WDR73: variants seen among roughly 807,000 people sequenced by gnomAD.
The protein encoded by WDR73 is WD repeat domain 73.
WDR73 carries 30 observed loss-of-function variants against 38.2 expected under a neutral mutation model. The observed-to-expected ratio is 0.79, with a 90% CI of 0.59 to 1.06. The LOEUF is 1.06. WDR73 is among the 50% of genes least tolerant of loss of function. The pLI, the probability that WDR73 is intolerant of heterozygous loss-of-function variation, is 0.00. For synonymous variants in WDR73, 197 were observed against 176.0 expected, an observed-to-expected ratio of 1.12 and a Z score of -0.94; for missense variants, 487 against 467.0, an observed-to-expected ratio of 1.04 and a Z score of -0.40.
At chr15:84,652,180 CAAT>C (rs1896645506) in intron 3 of WDR73, among the ~76,000 whole-genome samples, 1 of 152,170 alleles carries the variant, frequency 6.6e-6, no homozygotes, top group Admixed American at 6.5e-5. Flanking sequence ...ATTCTTCTCT[CAAT>C]GATTTTATTG....
At chr15:84,651,362 A>G (rs953307172) in intron 3 of WDR73, among the ~76,000 whole-genome samples, 2 of 146,842 alleles carry the variant, frequency 1.4e-5, no homozygotes, top group Non-Finnish European at 3.0e-5. Context: ...GGAGGTTTAG[A>G]CTGTAGTGAG....
At chr15:84,654,092 C>A (rs752063303) in intron 1 of WDR73, 142 bp downstream of exon 1, 1 of 1,102,494 alleles carries the variant, frequency 9.1e-7, no homozygotes, top group Non-Finnish European at 1.4e-6. Flanking sequence ...TAGGCCCAGG[C>A]GGAGTCCTCC....
chr15:84,645,927 C>A (rs780681785), intron 6 of WDR73, 91 bp from the exon 7 acceptor site: 1 of 1,583,762 alleles, frequency 6.3e-7, no homozygotes, highest in Non-Finnish European at 8.5e-7. Context: ...CCCTTCCCAC[C>A]AGTCCCAGGC....
intron 5 of WDR73, 61 bp downstream of exon 5, chr15:84,647,829 C>T (rs1896509422): frequency 2.0e-6 from 3 of 1,512,374 alleles, no homozygotes; most frequent in Non-Finnish European, 1.8e-6. Flanking sequence ...GATTAGGGGA[C>T]AGGGGTGTAT....
chr15:84,641,832 C>G lies in WDR73; in HGVS notation c.*1638G>C, dbSNP rs966119975. On this transcript the variant is annotated 3_prime_UTR_variant, in exon 8 of 8. Coordinates refer to ENST00000434634, the MANE Select transcript of WDR73 (RefSeq NM_032856.5). ...CTGTGCCTGGTCTATCTTTAAATTC[C>G]TATCTGAATTTGTTTAGGTTTTTTA... is the stretch of plus-strand genomic sequence containing the variant. 1 of 152,034 alleles carries G rather than the reference C, an allele frequency of 6.6e-6. No individual in the cohort carries two copies. The highest frequency in any genetic ancestry group is 1.5e-5 in the Non-Finnish European group (1 of 68,032). 9.4% of individuals were successfully genotyped at this position (152,034 alleles called of 1,614,324 possible). A position where few individuals can be genotyped will look rare whatever the true frequency, so the allele number is the denominator to read the frequency against.
Position 84,643,361 on chromosome 15 carries a change from C to T in WDR73, c.*109G>A. On this transcript the variant is annotated 3_prime_UTR_variant, in exon 8 of 8. Transcript: ENST00000434634. ...GTGACGCTGGCAGACTTGCCCAAGGCCACACAGCTGGTAACAGGGACTGGT... is the reference window on the plus strand; with the variant it reads ...GTGACGCTGGCAGACTTGCCCAAGGTCACACAGCTGGTAACAGGGACTGGT... The T allele has an allele frequency of 7.2e-7, 1 of 1,385,574 alleles. No homozygotes were observed. 85.8% of individuals were successfully genotyped at this position (1,385,574 alleles called of 1,614,324 possible).
chr15:84,653,130 T>C (rs1896674985), intron 2 of WDR73: 1 of 226,112 alleles, frequency 4.4e-6, no homozygotes, highest in Admixed American at 5.6e-5. Context: ...CTTAGGTTAG[T>C]CTCAAATTCC....
rs1035593132 is a variant in WDR73 at position 84,654,231 on chromosome 15, T to C, written c.41+3A>G. Reference sequence around the variant, plus strand: ...TCCCATGTCCCAGCCCCGTACGATTTACAAGCGCAAGGATTCCACCAGCCA... The same window carrying C: ...TCCCATGTCCCAGCCCCGTACGATTCACAAGCGCAAGGATTCCACCAGCCA... On this transcript the variant is annotated splice_donor_region_variant and intron_variant, in intron 1 of 7. Coordinates refer to ENST00000434634, the MANE Select transcript of WDR73 (RefSeq NM_032856.5). 3 of 1,613,888 alleles carry C rather than the reference T, an allele frequency of 1.9e-6. No individual in the cohort carries two copies. Among genetic ancestry groups the C allele is most frequent in the Non-Finnish European group, 2.5e-6 (3 of 1,179,816 alleles).
chr15:84,652,146 G>A (rs146069008), intron 3 of WDR73, among the ~76,000 whole-genome samples: 172 of 152,290 alleles, frequency 1.1e-3, no homozygotes, highest in African/African-American at 4.0e-3. Context: ...GATTACAGGC[G>A]TAAGCCACTG....
Position 84,642,980 on chromosome 15 carries a change from C to T in WDR73, c.*490G>A, listed in dbSNP as rs1896311327. 1 of 159,594 alleles carries T rather than the reference C, an allele frequency of 6.3e-6. No homozygotes were observed. 9.9% of individuals were successfully genotyped at this position (159,594 alleles called of 1,614,324 possible). A position where few individuals can be genotyped will look rare whatever the true frequency, so the allele number is the denominator to read the frequency against. ...AGCAAATGTCTCTTGAACCTAGTCA[C>T]CTGGGGGGACAAGTGTGGGAAAGTG... On this transcript the variant is annotated 3_prime_UTR_variant, in exon 8 of 8. Coordinates refer to ENST00000434634, the MANE Select transcript of WDR73 (RefSeq NM_032856.5).
chr15:84,652,882 T>C (rs1056511588), intron 2 of WDR73, 80 bp from the exon 3 acceptor site: 2 of 819,598 alleles, frequency 2.4e-6, no homozygotes, highest in South Asian at 1.8e-5. Flanking sequence ...TAAGGATACA[T>C]TCCTTCACTG....
rs1255659486 is a variant in WDR73 at position 84,647,782 on chromosome 15, A to C, written c.352+108T>G. 6 of 1,108,082 alleles carry C rather than the reference A, an allele frequency of 5.4e-6. No individual in the cohort carries two copies. The African/African-American group carries it at 9.3e-5, about 17-fold the overall frequency. 68.6% of individuals were successfully genotyped at this position (1,108,082 alleles called of 1,614,324 possible). A position where few individuals can be genotyped will look rare whatever the true frequency, so the allele number is the denominator to read the frequency against. Reference sequence around the variant, plus strand: ...AAAGTGCTACAATTACAGGCATGAGACTGTCCCCAGCCTGAGTCTCCTTCT... The same window carrying C: ...AAAGTGCTACAATTACAGGCATGAGCCTGTCCCCAGCCTGAGTCTCCTTCT... On this transcript the variant is annotated intron_variant, in intron 5 of 7. Coordinates refer to ENST00000434634, the MANE Select transcript of WDR73 (RefSeq NM_032856.5).
intron 5 of WDR73, chr15:84,646,848 T>C (rs1896477950): frequency 6.4e-6 from 1 of 156,332 alleles, no homozygotes; most frequent in Admixed American, 6.2e-5. Flanking sequence ...CCACATCTTT[T>C]TTACACTGAA....
At chr15:84,645,863 A>T (rs193130453) in intron 6 of WDR73, 27 bp from the exon 7 acceptor site, 9 of 1,613,006 alleles carry the variant, frequency 5.6e-6, no homozygotes, top group Non-Finnish European at 7.6e-6. Flanking sequence ...AAAGGAGACA[A>T]GCGGCTGGAG....
chr15:84,647,979 C>T, intron 4 of WDR73, 25 bp from the exon 5 acceptor site: 1 of 1,611,844 alleles, frequency 6.2e-7, no homozygotes, highest in Non-Finnish European at 8.5e-7. Flanking sequence ...CAAAATCAGT[C>T]CAGACCATGG....
intron 5 of WDR73, chr15:84,647,321 A>G (rs1250387946): frequency 6.5e-6 from 1 of 154,144 alleles, no homozygotes; most frequent in Non-Finnish European, 1.4e-5. Flanking sequence ...TCACCTGAGC[A>G]GCCTAAGCTC....
At position 84,641,103 on chromosome 15, in the gene WDR73, G is replaced by A. The variant is rs1194063181; in HGVS notation, c.*2367C>T. 1 of 150,818 alleles carries A rather than the reference G, an allele frequency of 6.6e-6. No homozygotes were observed. Among genetic ancestry groups the A allele is most frequent in the African/African-American group, 2.5e-5 (1 of 40,096 alleles). 9.3% of individuals were successfully genotyped at this position (150,818 alleles called of 1,614,324 possible). On this transcript the variant is annotated 3_prime_UTR_variant, in exon 8 of 8. Transcript: ENST00000434634. ...TCACCTGTCACTTCCAGACATGGGA[G>A]CAGAAAGTGAATTTCAGAACTCCAT...
Position 84,648,724 on chromosome 15 carries a change from A to G in WDR73, c.199-99T>C, listed in dbSNP as rs937286448. 1.3e-5 allele frequency: 12 copies of G among 931,102 alleles called. 1 individual carries two copies. In the African/African-American group the frequency reaches 1.8e-4, roughly 14 times the overall value. 57.7% of individuals were successfully genotyped at this position (931,102 alleles called of 1,614,324 possible). A position where few individuals can be genotyped will look rare whatever the true frequency, so the allele number is the denominator to read the frequency against. ...TCAGGTCCTAGCCTGGCAGGAGGCC[A>G]TGGAAGCCACTCAGCTGGTGAAAGG... On this transcript the variant is annotated intron_variant, in intron 3 of 7. Coordinates refer to ENST00000434634, the MANE Select transcript of WDR73 (RefSeq NM_032856.5).
At chr15:84,654,174 CA>C in intron 1 of WDR73, 59 bp downstream of exon 1, 3 of 1,611,414 alleles carry the variant, frequency 1.9e-6, no homozygotes, top group Non-Finnish European at 2.5e-6. Context: ...CACCCACACC[CA>C]TCCGCCCGCC....
Sources: allele counts gnomAD v4.1 joint callset (sites outside exome capture counted in the v4.1 genomes callset), GRCh38; gene constraint gnomAD v4.1.1; transcripts MANE v1.5; gene names NCBI Gene and HGNC (gene_info 2026-07-23, HGNC 2026-07-21).